Variants in ZNF185 observed in about 807,000 individuals in gnomAD.
ZNF185 encodes zinc finger protein 185 with LIM domain, also known as zinc finger protein 185.
In ZNF185, 56 loss-of-function variants were observed where a neutral mutation model predicts 58.6. The ratio of observed to expected loss-of-function variants is 0.95; its 90% CI spans 0.77 to 1.19. The LOEUF is 1.19. Ranked by LOEUF, ZNF185 falls within the 50% of genes most tolerant of loss-of-function variation. The probability of loss-of-function intolerance (pLI) is 0.00; values close to 1 mark genes in which losing one functional copy is unlikely to be tolerated. For synonymous variants in ZNF185, 230 were observed against 215.9 expected, an observed-to-expected ratio of 1.07 and a Z score of -0.57; for missense variants, 627 against 573.5, an observed-to-expected ratio of 1.09 and a Z score of -0.95.
intron 3 of ZNF185, among the ~76,000 whole-genome samples, chrX:152,915,889 G>T (rs182541160): frequency 3.6e-5 from 4 of 112,094 alleles, no homozygotes; most frequent in African/African-American, 1.3e-4. Context: ...GGCTTCTCAG[G>T]GGGTGGTAGA....
At chrX:152,908,695 T>C in the ZNF185 span, among the ~76,000 whole-genome samples, 1 of 112,993 alleles carries the variant, frequency 8.9e-6, no homozygotes. Context: ...CGACTGGCAG[T>C]GGGTGTGCCC....
At chrX:152,942,680 T>C (rs1458444918) in intron 15 of ZNF185, among the ~76,000 whole-genome samples, 1 of 112,358 alleles carries the variant, frequency 8.9e-6, no homozygotes, top group Non-Finnish European at 1.9e-5. Flanking sequence ...TAGAACATGC[T>C]GTTTTCCTCA....
intron 12 of ZNF185, among the ~76,000 whole-genome samples, chrX:152,931,169 C>T (rs1941896752): frequency 8.9e-6 from 1 of 112,312 alleles, no homozygotes; most frequent in Non-Finnish European, 1.9e-5. Flanking sequence ...CCTGTAATCC[C>T]AGCACAGTAG....
chrX:152,941,808 G>A, intron 15 of ZNF185: 1 of 1,160,400 alleles, frequency 8.6e-7, no homozygotes, highest in Non-Finnish European at 1.2e-6. Flanking sequence ...TGGGCCCGAG[G>A]AGCTGGCTGC....
chrX:152,932,545 G>A (rs1396482921), intron 13 of ZNF185, among the ~76,000 whole-genome samples: 1 of 111,795 alleles, frequency 8.9e-6, no homozygotes, highest in Non-Finnish European at 1.9e-5. Context: ...CTGAGCCCTG[G>A]AAATGAGGAA....
At chrX:152,935,240 T>TC (rs2046128248) in intron 14 of ZNF185, among the ~76,000 whole-genome samples, 1 of 103,359 alleles carries the variant, frequency 9.7e-6, no homozygotes. Context: ...TGTTTTTCCT[T>TC]TTTTTTTTTT....
intron 17 of ZNF185, among the ~76,000 whole-genome samples, chrX:152,960,434 C>T (rs2049339711): frequency 8.9e-6 from 1 of 112,080 alleles, no homozygotes; most frequent in African/African-American, 3.2e-5. Context: ...TCTGAATTTT[C>T]TGAGAGAGAC....
chrX:152,914,004 C>T (rs1396705504), upstream of ZNF185, among the ~76,000 whole-genome samples: 1 of 111,041 alleles, frequency 9.0e-6, no homozygotes, highest in Non-Finnish European at 1.9e-5. Flanking sequence ...GGTCCCCCAG[C>T]CCGTCCCTCT....
At chrX:152,960,049 A>C (rs2049306923) in intron 17 of ZNF185, 153 bp downstream of exon 19, 2 of 486,797 alleles carry the variant, frequency 4.1e-6, no homozygotes, top group Admixed American at 8.1e-5. Flanking sequence ...AGAAACCAGC[A>C]TCTCAGGGGT....
chrX:152,954,642 A>G (rs1490228345), intron 16 of ZNF185, among the ~76,000 whole-genome samples: 1 of 112,060 alleles, frequency 8.9e-6, no homozygotes, highest in Non-Finnish European at 1.9e-5. Flanking sequence ...AATAAAACAA[A>G]TTAACTAATG....
chrX:152,914,808 C>G (rs1556864341), exon 2 of ZNF185: 1 of 1,186,082 alleles, frequency 8.4e-7, no homozygotes, highest in Admixed American at 2.4e-5. Context: ...GATTACCAAG[C>G]AGGATGAATC....
intron 21 of ZNF185, 74 bp from the exon 24 acceptor site, chrX:152,970,369 G>A: frequency 1.0e-6 from 1 of 999,721 alleles, no homozygotes; most frequent in Non-Finnish European, 1.4e-6. Context: ...CCTTGTTCAG[G>A]CATCCCCTTC....
In ZNF185 at chrX:152,919,077, C is replaced by T. The variant is rs782347395; in HGVS notation, c.526C>T (p.Arg176Trp). The T allele has an allele frequency of 4.1e-5, 49 of 1,201,884 alleles. No individual in the cohort carries two copies. Among genetic ancestry groups the T allele is most frequent in the South Asian group, 5.4e-5 (3 of 56,032 alleles). The change falls in exon 7 of 23, where the codon CGG becomes TGG. Residue 176 changes from arginine to tryptophan, a missense_variant. Arg to Trp is a moderately radical substitution (Grantham distance 101). Transcript: ENST00000449285. ...GCCATTCTCCTCAGATGAACAGAAACGGAGGTAATGGAATGGTGCCTTTTG... is the reference window on the plus strand; with the variant it reads ...GCCATTCTCCTCAGATGAACAGAAATGGAGGTAATGGAATGGTGCCTTTTG...
intron 16 of ZNF185, 103 bp downstream of exon 18, chrX:152,945,567 G>A: frequency 3.3e-6 from 3 of 910,811 alleles, no homozygotes; most frequent in East Asian, 3.4e-5. Context: ...GCCAATACCC[G>A]ACACATTGCA....
At chrX:152,955,681 A>G (rs2048744096) in intron 16 of ZNF185, among the ~76,000 whole-genome samples, 1 of 111,949 alleles carries the variant, frequency 8.9e-6, no homozygotes, top group African/African-American at 3.3e-5. Context: ...AGGCGGGCAG[A>G]TCACGAGCTC....
chrX:152,945,541 C>T, intron 16 of ZNF185, 77 bp downstream of exon 18: 1 of 1,050,633 alleles, frequency 9.5e-7, no homozygotes, highest in Non-Finnish European at 1.3e-6. Flanking sequence ...ATGGGAACCA[C>T]TTCCCCACAC....
At chrX:152,948,456 G>A (rs782779372) in intron 16 of ZNF185, among the ~76,000 whole-genome samples, 15 of 111,365 alleles carry the variant, frequency 1.3e-4, no homozygotes, top group Non-Finnish European at 2.8e-4. Context: ...ACCAGTCCCC[G>A]ATAAAATCCT....
At chrX:152,945,075 A>T (rs1556893327) in intron 15 of ZNF185, among the ~76,000 whole-genome samples, 192 bp from the exon 18 acceptor site, 1 of 112,729 alleles carries the variant, frequency 8.9e-6, no homozygotes, top group African/African-American at 3.2e-5. Context: ...GGGAGCAGCG[A>T]TGCTGGGCTC....
At chrX:152,898,685 G>A in the ZNF185 span, among the ~76,000 whole-genome samples, 1 of 112,589 alleles carries the variant, frequency 8.9e-6, no homozygotes. Flanking sequence ...CAATCGCCCT[G>A]GGGCCTGTGA....
Sources: gnomAD v4.1 joint callset for allele counts (sites outside exome capture counted in the v4.1 genomes callset) on GRCh38, gnomAD v4.1.1 for gene constraint, MANE v1.5 for transcripts, NCBI Gene and HGNC (gene_info 2026-07-23, HGNC 2026-07-21) for gene names.